Variants in CDKN2B-AS1 observed in about 807,000 individuals in gnomAD.
CDKN2B-AS1 encodes CDKN2B and CDKN2A antisense cis and trans regulatory RNA 1.
At chr9:22,102,227 G>GT (rs1276382568) in intron 4 of CDKN2B-AS1, among the ~76,000 whole-genome samples, 1 of 152,050 alleles carries the variant, frequency 6.6e-6, no homozygotes, top group Admixed American at 6.6e-5. Context: ...CTCACTTTCT[G>GT]TTTTTTTCCC....
At chr9:22,020,159 T>A (rs1389346869) in intron 1 of CDKN2B-AS1, among the ~76,000 whole-genome samples, 1 of 152,234 alleles carries the variant, frequency 6.6e-6, no homozygotes, top group East Asian at 1.9e-4. Flanking sequence ...TTGCTAAGCA[T>A]AATGGCTTCC....
Position 22,090,399 on chromosome 9 carries a change from A to C in CDKN2B-AS1, n.438+34012A>C, listed in dbSNP as rs151145305. Among the ~76,000 whole-genome samples, 1,394 of 152,258 alleles carry C rather than the reference A, an allele frequency of 9.2e-3. 108 individuals carry two copies. In the East Asian group the frequency reaches 0.19, roughly 21 times the overall value. On this transcript the variant is annotated intron_variant and non_coding_transcript_variant, in intron 4 of 4. Transcript: ENST00000650946. ...CTAGTTCTAGATCCCTGAGGAATCG[A>C]CACACTGACTTCCACAACGGTTGAA...
At chr9:22,057,187 AT>A (rs1379257818) in intron 4 of CDKN2B-AS1, among the ~76,000 whole-genome samples, 1 of 152,136 alleles carries the variant, frequency 6.6e-6, no homozygotes, top group Admixed American at 6.5e-5. Context: ...TTGTCTCTTG[AT>A]TTCTTTCCAA....
intron 4 of CDKN2B-AS1, among the ~76,000 whole-genome samples, chr9:22,100,603 A>T (rs1360602646): frequency 1.3e-5 from 2 of 151,838 alleles, no homozygotes; most frequent in African/African-American, 2.4e-5. Flanking sequence ...TTTGACTTTT[A>T]TGAATAATGC....
rs539581422 is a variant in CDKN2B-AS1 at position 22,021,606 on chromosome 9, A to T, written n.30-25145A>T. On this transcript the variant is annotated intron_variant and non_coding_transcript_variant, in intron 1 of 4. Coordinates refer to ENST00000650946, the Ensembl canonical transcript of CDKN2B-AS1. Reference sequence around the variant, plus strand: ...TATGTTATCTCTGATTTCCTTGAGCAGTAGTTTGTGGTTCTCCTTGTAGAG... The same window carrying T: ...TATGTTATCTCTGATTTCCTTGAGCTGTAGTTTGTGGTTCTCCTTGTAGAG... Among the ~76,000 whole-genome samples the T allele has an allele frequency of 2.0e-5, 3 of 152,206 alleles. No individual in the cohort carries two copies. In the South Asian group the frequency reaches 6.2e-4, roughly 32 times the overall value.
chr9:22,052,243 C>T (rs989485616), intron 3 of CDKN2B-AS1, among the ~76,000 whole-genome samples: 6 of 152,126 alleles, frequency 3.9e-5, no homozygotes, highest in Admixed American at 3.9e-4. Flanking sequence ...GCTTCAATGT[C>T]TGACTCATTA....
In CDKN2B-AS1 at chr9:22,006,379, G is replaced by T; in HGVS notation, n.29+11218G>T. 1 of 1,218,288 alleles carries T rather than the reference G, an allele frequency of 8.2e-7. No individual in the cohort carries two copies. The highest frequency in any genetic ancestry group is 1.5e-5 in the African/African-American group (1 of 66,780). 75.5% of individuals were successfully genotyped at this position (1,218,288 alleles called of 1,614,324 possible). The stretch of plus-strand genomic sequence containing the variant: ...TTTTCACCCAGTGCAGAGGTGTTCA[G>T]GTCTCTGATGTCTGGTGTTTCTTCA... On this transcript the variant is annotated intron_variant and non_coding_transcript_variant, in intron 1 of 4. Coordinates refer to ENST00000650946, the Ensembl canonical transcript of CDKN2B-AS1. The surrounding 1 kb of genome is among the most constrained non-coding windows in gnomAD (Gnocchi z 6.4).
chr9:22,123,360 T>G (rs1826136431), intron 4 of CDKN2B-AS1, among the ~76,000 whole-genome samples: 1 of 152,234 alleles, frequency 6.6e-6, no homozygotes, highest in Non-Finnish European at 1.5e-5. Flanking sequence ...CTTGCCTAGT[T>G]GCTTGGGCTA....
intron 3 of CDKN2B-AS1, among the ~76,000 whole-genome samples, chr9:22,051,502 A>G (rs1823344764): frequency 6.6e-6 from 1 of 152,196 alleles, no homozygotes; most frequent in African/African-American, 2.4e-5. Context: ...TTGTGAAAGG[A>G]CTTGCTTAAA....
intron 4 of CDKN2B-AS1, among the ~76,000 whole-genome samples, chr9:22,062,949 G>A (rs1388493389): frequency 6.8e-6 from 1 of 146,612 alleles, no homozygotes. Context: ...GATAAGAAAA[G>A]TGACTTGTGT....
At position 22,000,629 on chromosome 9, in the gene CDKN2B-AS1, C is replaced by T. The variant is rs1038925825; in HGVS notation, n.29+5468C>T. The stretch of plus-strand genomic sequence containing the variant: ...ATGCCATATACATCTTTACAACAGT[C>T]ACCCTCTAGAAGAAAACTCTGTGTT... On this transcript the variant is annotated intron_variant and non_coding_transcript_variant, in intron 1 of 4. Transcript: ENST00000650946. The surrounding 1 kb of genome is among the most constrained non-coding windows in gnomAD (Gnocchi z 4.1). Among the ~76,000 whole-genome samples the T allele has an allele frequency of 3.9e-5, 6 of 152,124 alleles. No individual in the cohort carries two copies. The highest frequency in any genetic ancestry group is 1.4e-4 in the African/African-American group (6 of 41,428).
chr9:22,098,419 A>AT (rs11288208), intron 4 of CDKN2B-AS1, among the ~76,000 whole-genome samples: 2,711 of 145,490 alleles, frequency 0.019, 63 homozygotes, highest in African/African-American at 0.059. Flanking sequence ...ATGGGCAAGA[A>AT]TTTTTTTTTT....
At chr9:22,106,483 C>T (rs148048362) in intron 4 of CDKN2B-AS1, among the ~76,000 whole-genome samples, 1 of 152,276 alleles carries the variant, frequency 6.6e-6, no homozygotes, top group Non-Finnish European at 1.5e-5. Context: ...TCCCAAAGTG[C>T]TCGGATTATA....
intron 1 of CDKN2B-AS1, among the ~76,000 whole-genome samples, chr9:22,025,086 G>A (rs1822175718): frequency 1.3e-5 from 2 of 152,204 alleles, no homozygotes; most frequent in African/African-American, 4.8e-5. Context: ...AGACACTCCT[G>A]CACTAAACCC....
At chr9:22,079,622 G>C (rs1014206896) in intron 4 of CDKN2B-AS1, among the ~76,000 whole-genome samples, 2 of 152,204 alleles carry the variant, frequency 1.3e-5, no homozygotes, top group East Asian at 3.9e-4. Context: ...GGAATGTTTG[G>C]GGCTCCTCAA....
intron 4 of CDKN2B-AS1, among the ~76,000 whole-genome samples, chr9:22,089,830 CT>C (rs889540736): frequency 6.6e-6 from 1 of 151,834 alleles, no homozygotes; most frequent in South Asian, 2.1e-4. Flanking sequence ...TTACTAAATT[CT>C]TTTTTTTAAT....
intron 4 of CDKN2B-AS1, among the ~76,000 whole-genome samples, chr9:22,085,310 C>T (rs1587509672): frequency 6.6e-6 from 1 of 152,302 alleles, no homozygotes. Flanking sequence ...TCAAGGTATG[C>T]TTATCCCAAC....
intron 1 of CDKN2B-AS1, among the ~76,000 whole-genome samples, chr9:22,026,048 G>T (rs1222414733): frequency 5.3e-5 from 8 of 151,868 alleles, no homozygotes; most frequent in Admixed American, 5.2e-4. Flanking sequence ...ACCCCAGATG[G>T]GAGACTCTAC....
intron 4 of CDKN2B-AS1, among the ~76,000 whole-genome samples, chr9:22,092,683 T>G (rs952671944): frequency 6.6e-6 from 1 of 152,210 alleles, no homozygotes; most frequent in African/African-American, 2.4e-5. Flanking sequence ...CCTTTTAATT[T>G]TTTATTGTGT....
Sources: gnomAD v4.1 joint callset for allele counts (sites outside exome capture counted in the v4.1 genomes callset) on GRCh38, gnomAD v4.1.1 for gene constraint, Gnocchi (gnomAD v3.1) non-coding constraint, MANE v1.5 for transcripts, NCBI Gene and HGNC (gene_info 2026-07-23, HGNC 2026-07-21) for gene names.